NPAS3: variants seen among roughly 807,000 people sequenced by gnomAD.
NPAS3 encodes neuronal PAS domain-containing protein 3.
In NPAS3, 14 loss-of-function variants were observed where a neutral mutation model predicts 73.1. The ratio of observed to expected loss-of-function variants is 0.19; its 90% CI spans 0.13 to 0.30. The LOEUF is 0.30. NPAS3 is among the 10% of genes least tolerant of loss of function. NPAS3 has a pLI of 1.00. For synonymous variants in NPAS3, 620 were observed against 541.5 expected, an observed-to-expected ratio of 1.14 and a Z score of -2.01; for missense variants, 1,096 against 1,250.0, an observed-to-expected ratio of 0.88 and a Z score of 1.86.
chr14:33,610,278 T>A (rs1048611892), intron 5 of NPAS3, among the ~76,000 whole-genome samples: 1 of 152,228 alleles, frequency 6.6e-6, no homozygotes, highest in Non-Finnish European at 1.5e-5. Flanking sequence ...GAAAGTCAAC[T>A]ATGCCTCTCT....
chr14:33,304,850 A>T (rs771855555), intron 3 of NPAS3, among the ~76,000 whole-genome samples: 3 of 152,178 alleles, frequency 2.0e-5, no homozygotes, highest in Admixed American at 1.3e-4. Context: ...TGAAATTATT[A>T]TATAAGTTTT....
intron 4 of NPAS3, among the ~76,000 whole-genome samples, chr14:33,390,426 C>T (rs1022041028): frequency 1.3e-5 from 2 of 152,098 alleles, no homozygotes; most frequent in Non-Finnish European, 2.9e-5. Flanking sequence ...AAAAGAAGAA[C>T]GTGTTCTTGC....
chr14:33,684,749 T>G (rs992412946), intron 6 of NPAS3, among the ~76,000 whole-genome samples: 1 of 152,204 alleles, frequency 6.6e-6, no homozygotes, highest in African/African-American at 2.4e-5. Context: ...ACATCACCCG[T>G]GTACACTTGG....
intron 4 of NPAS3, among the ~76,000 whole-genome samples, chr14:33,550,951 C>T (rs183000821): frequency 8.5e-5 from 13 of 152,296 alleles, no homozygotes; most frequent in African/African-American, 3.1e-4. Flanking sequence ...GAACTAAATA[C>T]TAGTTTCTAT....
rs188591514 is a variant in NPAS3 at position 33,391,926 on chromosome 14, G to A, written c.468+24658G>A. On this transcript the variant is annotated intron_variant, in intron 4 of 11. Transcript: ENST00000356141. ...CTAATCGAATTGCAAATGAGTAAGA[G>A]AATGGTATTGATGAAGATAATCCCC... Among the ~76,000 whole-genome samples, 364 of 152,286 alleles carry A rather than the reference G, an allele frequency of 2.4e-3. 3 individuals carry two copies. Among genetic ancestry groups the A allele is most frequent in the African/African-American group, 8.1e-3 (336 of 41,566 alleles).
chr14:33,311,464 A>G (rs1001117937), intron 3 of NPAS3, among the ~76,000 whole-genome samples: 4 of 152,186 alleles, frequency 2.6e-5, no homozygotes, highest in Admixed American at 1.3e-4. Flanking sequence ...ACTTCTGGTC[A>G]GAATCATTGA....
At chr14:33,014,009 CCAAGTGAA>C (rs1345638393) in intron 1 of NPAS3, among the ~76,000 whole-genome samples, 7 of 152,106 alleles carry the variant, frequency 4.6e-5, no homozygotes, top group African/African-American at 1.7e-4. Context: ...CTATATATGT[CCAAGTGAA>C]CAACAAAAAT....
chr14:33,145,525 GAT>G, intron 2 of NPAS3, among the ~76,000 whole-genome samples: 1 of 152,102 alleles, frequency 6.6e-6, no homozygotes, highest in Admixed American at 6.5e-5. Context: ...CTCCCGTCGT[GAT>G]AGGTGTCACT....
intron 3 of NPAS3, among the ~76,000 whole-genome samples, chr14:33,276,035 C>T (rs1385101080): frequency 6.6e-6 from 1 of 152,110 alleles, no homozygotes; most frequent in Non-Finnish European, 1.5e-5. Flanking sequence ...TATATTGATA[C>T]TTACAGTTTC....
intron 4 of NPAS3, among the ~76,000 whole-genome samples, chr14:33,451,644 G>A (rs2049796263): frequency 6.6e-6 from 1 of 152,074 alleles, no homozygotes; most frequent in Admixed American, 6.5e-5. Flanking sequence ...ACGGTTCATT[G>A]TTATGGTTTC....
chr14:33,636,558 C>A (rs183185120), intron 5 of NPAS3, among the ~76,000 whole-genome samples: 1 of 152,180 alleles, frequency 6.6e-6, no homozygotes, highest in Non-Finnish European at 1.5e-5. Context: ...CACTCACTTA[C>A]GTGGTATGTG....
At chr14:32,948,399 C>T (rs1489151186) in intron 1 of NPAS3, among the ~76,000 whole-genome samples, 2 of 152,092 alleles carry the variant, frequency 1.3e-5, no homozygotes, top group African/African-American at 4.8e-5. Flanking sequence ...ATTCAAAACA[C>T]TCCATATTAT....
intron 2 of NPAS3, among the ~76,000 whole-genome samples, chr14:33,211,275 T>A (rs555852128): frequency 1.3e-5 from 2 of 152,336 alleles, no homozygotes; most frequent in Non-Finnish European, 2.9e-5. Context: ...TCCATTCTCT[T>A]ATAAGAAGAA....
At chr14:33,290,601 A>G (rs1023660368) in intron 3 of NPAS3, among the ~76,000 whole-genome samples, 7 of 152,240 alleles carry the variant, frequency 4.6e-5, no homozygotes, top group African/African-American at 1.2e-4. Flanking sequence ...TGTCAATTGT[A>G]TAATCAACTG....
chr14:33,338,254 C>G (rs4982077), intron 3 of NPAS3, among the ~76,000 whole-genome samples: 119,415 of 152,034 alleles, frequency 0.79, 47,517 homozygotes, highest in African/African-American at 0.92. Context: ...TCTGTCTAAG[C>G]CTCTTTGCTT....
At chr14:33,077,388 A>G (rs1034806430) in intron 2 of NPAS3, among the ~76,000 whole-genome samples, 1 of 152,128 alleles carries the variant, frequency 6.6e-6, no homozygotes, top group African/African-American at 2.4e-5. Flanking sequence ...TCTCTCCAGG[A>G]ATGCTCTTTC....
intron 2 of NPAS3, among the ~76,000 whole-genome samples, chr14:33,201,582 A>G (rs765058713): frequency 2.6e-5 from 4 of 152,246 alleles, no homozygotes; most frequent in Non-Finnish European, 4.4e-5. Flanking sequence ...TATTTAAGAA[A>G]GGGCTCATGT....
intron 3 of NPAS3, among the ~76,000 whole-genome samples, chr14:33,326,371 A>C (rs2140256388): frequency 6.6e-6 from 1 of 152,276 alleles, no homozygotes; most frequent in African/African-American, 2.4e-5. Flanking sequence ...CCAAATTTTA[A>C]AAACAAAAGC....
At chr14:33,549,186 C>T (rs891327924) in intron 4 of NPAS3, among the ~76,000 whole-genome samples, 10 of 152,190 alleles carry the variant, frequency 6.6e-5, no homozygotes, top group Non-Finnish European at 1.3e-4. Context: ...TTCAAGACAG[C>T]ACTGAATTAC....
Sources: allele counts gnomAD v4.1 joint callset (sites outside exome capture counted in the v4.1 genomes callset), GRCh38; gene constraint gnomAD v4.1.1; transcripts MANE v1.5; gene names NCBI Gene and HGNC (gene_info 2026-07-23, HGNC 2026-07-21).